NBEA: variants seen among roughly 807,000 people sequenced by gnomAD.
The protein encoded by NBEA is lysosomal-trafficking regulator 2.
Under a neutral mutation model 343.4 loss-of-function variants are expected in NBEA, and 44 were observed. That is an observed-to-expected ratio of 0.13 (90% CI 0.10 to 0.16). The LOEUF (loss-of-function observed/expected upper bound fraction) is 0.16, where lower values mean the gene tolerates loss of function less well. Ranked by LOEUF, NBEA falls within the 10% of genes least tolerant of loss-of-function variation. The pLI is 1.00. For synonymous variants in NBEA, 1,175 were observed against 1,238.7 expected (o/e 0.95, Z 1.08); for missense variants, 2,555 against 3,631.3 (o/e 0.70, Z 7.62).
At chr13:35,060,714 CT>C (rs34983091) in intron 8 of NBEA, among the ~76,000 whole-genome samples, 57,257 of 150,080 alleles carry the variant, frequency 0.38, 11,470 homozygotes, top group East Asian at 0.49. Flanking sequence ...TATTAAAAAG[CT>C]TTTTTTTTCA....
At chr13:35,084,040 G>T (rs9543250) in intron 10 of NBEA, among the ~76,000 whole-genome samples, 19,877 of 151,936 alleles carry the variant, frequency 0.13, 1,854 homozygotes, top group East Asian at 0.45. Context: ...CCTAAATATA[G>T]ATGCACCCAA....
At chr13:35,459,786 T>A (rs915035536) in intron 40 of NBEA, among the ~76,000 whole-genome samples, 11 of 152,170 alleles carry the variant, frequency 7.2e-5, no homozygotes, top group Admixed American at 5.2e-4. Context: ...TGGGGAAACA[T>A]AATTAAAATA....
At chr13:34,971,351 C>T (rs1256762732) in intron 1 of NBEA, among the ~76,000 whole-genome samples, 1 of 152,058 alleles carries the variant, frequency 6.6e-6, no homozygotes, top group Non-Finnish European at 1.5e-5. Flanking sequence ...CTCTTCCTAT[C>T]TGAATGCCCT....
intron 38 of NBEA, among the ~76,000 whole-genome samples, chr13:35,394,586 A>C (rs1029086139): frequency 1.3e-5 from 2 of 152,158 alleles, no homozygotes; most frequent in African/African-American, 2.4e-5. Flanking sequence ...CTGGAAAAAA[A>C]AATGAGACAT....
chr13:35,432,141 A>G (rs2045159763), intron 38 of NBEA, 128 bp from the exon 39 acceptor site: 1 of 595,950 alleles, frequency 1.7e-6, no homozygotes, highest in Non-Finnish European at 2.7e-6. Flanking sequence ...AGTGTAAAAT[A>G]TAAGTATCTC....
At chr13:34,973,359 A>G (rs1416146346) in intron 1 of NBEA, among the ~76,000 whole-genome samples, 1 of 150,808 alleles carries the variant, frequency 6.6e-6, no homozygotes, top group Non-Finnish European at 1.5e-5. Flanking sequence ...TTCTGCCTCT[A>G]GTTGGCTTGG....
intron 41 of NBEA, among the ~76,000 whole-genome samples, chr13:35,505,491 T>C (rs936275368): frequency 1.3e-5 from 2 of 152,192 alleles, no homozygotes; most frequent in Admixed American, 6.5e-5. Flanking sequence ...GTTTTATTAT[T>C]TCTCCTTCAA....
chr13:35,188,774 G>C (rs1344973679), intron 30 of NBEA, among the ~76,000 whole-genome samples: 2 of 151,986 alleles, frequency 1.3e-5, no homozygotes, highest in Non-Finnish European at 2.9e-5. Context: ...TCGTATGGTA[G>C]TTCTGTTTTT....
intron 35 of NBEA, among the ~76,000 whole-genome samples, chr13:35,308,553 T>A (rs1182281242): frequency 8.9e-6 from 1 of 112,294 alleles, no homozygotes; most frequent in Non-Finnish European, 1.8e-5. Flanking sequence ...TATATATGTA[T>A]ATATGTATAT....
intron 1 of NBEA, among the ~76,000 whole-genome samples, chr13:34,960,250 A>G (rs1351189298): frequency 6.6e-6 from 1 of 152,144 alleles, no homozygotes; most frequent in East Asian, 1.9e-4. Flanking sequence ...ACATAGAAAA[A>G]GGTTATAGAA....
intron 16 of NBEA, among the ~76,000 whole-genome samples, chr13:35,121,004 T>TA (rs1206140781): frequency 7.9e-5 from 12 of 152,272 alleles, no homozygotes; most frequent in African/African-American, 2.9e-4. Flanking sequence ...TCTAATACCT[T>TA]TTTTCCTGCT....
chr13:35,608,110 G>T (rs577773881), intron 48 of NBEA, among the ~76,000 whole-genome samples: 2 of 151,770 alleles, frequency 1.3e-5, no homozygotes, highest in South Asian at 4.2e-4. Context: ...TACTTTTAAC[G>T]TACTTTATTT....
intron 34 of NBEA, among the ~76,000 whole-genome samples, chr13:35,237,831 A>T (rs1011083126): frequency 5.3e-5 from 8 of 152,036 alleles, no homozygotes; most frequent in African/African-American, 1.9e-4. Context: ...TGTTTAAATT[A>T]TTTCTTATGG....
chr13:34,995,955 G>C (rs1267659876), intron 1 of NBEA, among the ~76,000 whole-genome samples: 1 of 152,220 alleles, frequency 6.6e-6, no homozygotes, highest in Non-Finnish European at 1.5e-5. Flanking sequence ...TGCTGGGCTT[G>C]ACCAGAATTA....
intron 40 of NBEA, among the ~76,000 whole-genome samples, chr13:35,469,551 AATT>A (rs2152957088): frequency 6.6e-6 from 1 of 152,346 alleles, no homozygotes; most frequent in South Asian, 2.1e-4. Context: ...TGGAATTTTA[AATT>A]ATTATATGCA....
At chr13:35,236,816 GC>G (rs1162531829) in intron 34 of NBEA, among the ~76,000 whole-genome samples, 1 of 151,120 alleles carries the variant, frequency 6.6e-6, no homozygotes, top group Non-Finnish European at 1.5e-5. Context: ...CCATTTTCAG[GC>G]TCATTAAGCA....
Position 35,452,104 on chromosome 13 carries a change from A to G in NBEA, c.6317A>G (p.Asp2106Gly), listed in dbSNP as rs1455702896. The change falls in exon 40 of 59, where the codon GAT (aspartate) becomes GGT (glycine). Residue 2106 changes from aspartate (D) to glycine (G), a missense_variant. Transcript: ENST00000379939. ...KAAIEYGTEE[D>G]VVKSKKTFRS... ...TTGTTGTGATTAGGCACGGAAGAAG[A>G]TGTAGTAAAGTCAAAGAAAACATTC... The G allele has an allele frequency of 6.2e-7, 1 of 1,612,072 alleles. No homozygotes were observed. Among genetic ancestry groups the G allele is most frequent in the Non-Finnish European group, 8.5e-7 (1 of 1,178,980 alleles).
chr13:35,104,209 A>G (rs1273720032), intron 11 of NBEA, among the ~76,000 whole-genome samples: 2 of 151,924 alleles, frequency 1.3e-5, no homozygotes, highest in Non-Finnish European at 2.9e-5. Context: ...TGCTTCATTC[A>G]GGATTTTGCT....
In NBEA at chr13:35,349,197, A is replaced by G; in HGVS notation, c.5993A>G (p.His1998Arg). 1.2e-6 allele frequency: 2 copies of G among 1,601,504 alleles called. No homozygotes were observed. Among genetic ancestry groups the G allele is most frequent in the African/African-American group, 1.3e-5 (1 of 74,694 alleles). The change falls in exon 37 of 59, where the codon CAT becomes CGT. Residue 1998 changes from histidine to arginine, a missense_variant. Physicochemically the swap from His to Arg is conservative, Grantham distance 29. Transcript: ENST00000379939. The stretch of plus-strand genomic sequence containing the variant: ...AACAGACAAAGAGCCGAGGATGTAC[A>G]TAAACATGCAGAGTTTGAGGTAAGG... ...ILNRQRAEDVHKHAEFESQCA... is the reference protein window; with the variant it reads ...ILNRQRAEDVRKHAEFESQCA...
Sources: allele counts gnomAD v4.1 joint callset (sites outside exome capture counted in the v4.1 genomes callset), GRCh38; gene constraint gnomAD v4.1.1; transcripts MANE v1.5; gene names NCBI Gene and HGNC (gene_info 2026-07-23, HGNC 2026-07-21).